The following FREM2 variants were observed in gnomAD, a reference collection of about 807,000 sequenced individuals.
FREM2 encodes FRAS1-related extracellular matrix protein 2.
FREM2 carries 119 observed loss-of-function variants against 219.9 expected under a neutral mutation model. The observed-to-expected ratio is 0.54, with a 90% CI of 0.47 to 0.63. The LOEUF (loss-of-function observed/expected upper bound fraction) is 0.63. Among genes scored for constraint, FREM2 ranks in the 30% least tolerant of loss-of-function variants. The pLI, the probability that FREM2 is intolerant of heterozygous loss-of-function variation, is 0.00. For synonymous variants in FREM2, 1,562 were observed against 1,522.8 expected (o/e 1.03, Z -0.60); for missense variants, 4,030 against 3,993.6 (o/e 1.01, Z -0.25).
chr13:38,795,155 T>C (rs1428985006), intron 6 of FREM2, among the ~76,000 whole-genome samples: 1 of 152,012 alleles, frequency 6.6e-6, no homozygotes, highest in Non-Finnish European at 1.5e-5. Context: ...GAAATTGGCA[T>C]GGAATCCGGA....
At chr13:38,811,926 A>G (rs1434485784) in intron 6 of FREM2, among the ~76,000 whole-genome samples, 1 of 152,118 alleles carries the variant, frequency 6.6e-6, no homozygotes, top group Non-Finnish European at 1.5e-5. Flanking sequence ...ATTGGGCTCC[A>G]TCTCTCTCTT....
At chr13:38,726,774 C>T (rs1038820502) in intron 2 of FREM2, among the ~76,000 whole-genome samples, 11 of 152,192 alleles carry the variant, frequency 7.2e-5, no homozygotes, top group African/African-American at 2.7e-4. Context: ...CCAAACTGCT[C>T]TTATATGCTA....
chr13:38,803,798 A>G (rs534222994), intron 6 of FREM2, among the ~76,000 whole-genome samples: 1 of 150,766 alleles, frequency 6.6e-6, no homozygotes, highest in South Asian at 2.1e-4. Flanking sequence ...GCTCTGTGGT[A>G]AATGTAACTC....
At chr13:38,751,651 G>A (rs76323716) in intron 2 of FREM2, among the ~76,000 whole-genome samples, 11,440 of 152,174 alleles carry the variant, frequency 0.075, 568 homozygotes, top group South Asian at 0.19. Context: ...GTATTATAAT[G>A]TATGTATAGT....
At chr13:38,695,198 T>G (rs1870057395) in intron 1 of FREM2, among the ~76,000 whole-genome samples, 1 of 152,198 alleles carries the variant, frequency 6.6e-6, no homozygotes, top group Non-Finnish European at 1.5e-5. Context: ...TACATAAATA[T>G]GTAACGTGTG....
At chr13:38,849,755 A>G (rs191850488) in intron 8 of FREM2, among the ~76,000 whole-genome samples, 1 of 152,344 alleles carries the variant, frequency 6.6e-6, no homozygotes, top group East Asian at 1.9e-4. Flanking sequence ...ATGACTAAGA[A>G]ACATGTAGAT....
intron 2 of FREM2, among the ~76,000 whole-genome samples, chr13:38,738,291 A>G (rs1236946352): frequency 1.3e-5 from 2 of 151,996 alleles, no homozygotes; most frequent in Non-Finnish European, 2.9e-5. Flanking sequence ...TTGGGCTGGG[A>G]GCAGTGGCTC....
In FREM2 at chr13:38,688,243, G is replaced by A. The variant is rs766868798; in HGVS notation, c.899G>A (p.Arg300His). The change falls in exon 1 of 24, where the codon CGC (arginine) becomes CAC (histidine). Residue 300 changes from arginine to histidine, a missense_variant. Physicochemically the swap from Arg to His is conservative, Grantham distance 29 (BLOSUM62 0). Around this residue, in one of 2 missense-constraint regions of FREM2, gnomAD observed 3,102 missense variants for 2,950.7 expected, o/e 1.05. Transcript: ENST00000280481. ...GAPVGSPALKREHFQVLVRIR... is the reference protein window; with the variant it reads ...GAPVGSPALKHEHFQVLVRIR... ...CCTGTGGGCAGCCCTGCTTTGAAAC[G>A]CGAGCACTTCCAGGTTCTGGTGAGG... is the stretch of plus-strand genomic sequence containing the variant. The A allele has an allele frequency of 2.5e-6, 4 of 1,613,854 alleles. No individual in the cohort carries two copies. The highest frequency in any genetic ancestry group is 3.4e-6 in the Non-Finnish European group (4 of 1,179,954).
intron 6 of FREM2, among the ~76,000 whole-genome samples, chr13:38,785,011 TCA>T (rs1874270532): frequency 6.6e-6 from 1 of 152,200 alleles, no homozygotes; most frequent in South Asian, 2.1e-4. Context: ...AGGGCAAAAG[TCA>T]CAATTATGTG....
intron 6 of FREM2, among the ~76,000 whole-genome samples, chr13:38,819,644 T>C (rs563992160): frequency 2.6e-5 from 4 of 152,290 alleles, no homozygotes; most frequent in Non-Finnish European, 4.4e-5. Context: ...TTTGTAGATA[T>C]CATATATTTT....
Position 38,689,576 on chromosome 13 carries a change from G to A in FREM2, c.2232G>A (p.Gln744=), listed in dbSNP as rs766322653. 1.1e-5 allele frequency: 18 copies of A among 1,612,462 alleles called. No individual in the cohort carries two copies. In the East Asian group the frequency reaches 4.0e-4, roughly 36 times the overall value. Reference sequence around the variant, plus strand: ...GAGAACTACGTTACACAGTGACTCAGCCCCCCACAGACACAGACGAAAATC... The same window carrying A: ...GAGAACTACGTTACACAGTGACTCAACCCCCCACAGACACAGACGAAAATC... The part of the protein sequence containing the change: ...DDRELRYTVT[Q]PPTDTDENHL... Residue 744 remains glutamine, a synonymous_variant, in exon 1 of 24, where the codon CAG becomes CAA. Transcript: ENST00000280481.
intron 5 of FREM2, 88 bp from the exon 6 acceptor site, chr13:38,784,469 A>T: frequency 6.8e-7 from 1 of 1,461,424 alleles, no homozygotes; most frequent in Non-Finnish European, 9.5e-7. Context: ...ACTGACCATT[A>T]AAATGCTGTG....
intron 6 of FREM2, among the ~76,000 whole-genome samples, chr13:38,830,806 C>A (rs940750829): frequency 2.6e-5 from 4 of 152,208 alleles, no homozygotes; most frequent in Non-Finnish European, 5.9e-5. Flanking sequence ...CCTGTGTCAG[C>A]TCTCCATCTC....
At chr13:38,837,463 G>A (rs988503594) in intron 6 of FREM2, among the ~76,000 whole-genome samples, 7 of 152,250 alleles carry the variant, frequency 4.6e-5, no homozygotes, top group East Asian at 3.9e-4. Context: ...GGCCTGCTTG[G>A]TCCATAGCTG....
intron 2 of FREM2, among the ~76,000 whole-genome samples, chr13:38,702,664 A>G (rs1458340739): frequency 6.7e-6 from 1 of 149,558 alleles, no homozygotes; most frequent in African/African-American, 2.4e-5. Flanking sequence ...GGCTTAAGAA[A>G]AAATTAGAAT....
chr13:38,846,492 C>A, intron 6 of FREM2, 81 bp from the exon 7 acceptor site: 1 of 1,442,582 alleles, frequency 6.9e-7, no homozygotes, highest in South Asian at 1.2e-5. Flanking sequence ...AGGAAGCACA[C>A]TCTTCTTTGG....
At chr13:38,781,305 A>T (rs1004544064) in intron 4 of FREM2, among the ~76,000 whole-genome samples, 2 of 152,060 alleles carry the variant, frequency 1.3e-5, no homozygotes, top group African/African-American at 4.8e-5. Context: ...CTACCTTCCA[A>T]TCTCAGCTCA....
chr13:38,749,885 G>C (rs1872662936), intron 2 of FREM2, among the ~76,000 whole-genome samples: 1 of 152,106 alleles, frequency 6.6e-6, no homozygotes, highest in African/African-American at 2.4e-5. Flanking sequence ...AGTAATCATT[G>C]TCTCAAATCC....
chr13:38,691,615 T>C lies in FREM2; in HGVS notation c.4271T>C (p.Val1424Ala), dbSNP rs768145360. The C allele has an allele frequency of 6.2e-7, 1 of 1,614,108 alleles. No individual in the cohort carries two copies. The highest frequency in any genetic ancestry group is 8.5e-7 in the Non-Finnish European group (1 of 1,180,012). The change falls in exon 1 of 24, where the codon GTG (valine) becomes GCG (alanine). Residue 1424 changes from valine to alanine, a missense_variant. Around this residue, in one of 2 missense-constraint regions of FREM2, gnomAD observed 3,102 missense variants for 2,950.7 expected, o/e 1.05. Transcript: ENST00000280481. ...AGCATTGACATTGTCTTCCCTGATG[T>C]GATAAGTAAGGGAGTGTCCTTGAAA... Reference protein sequence around the residue: ...IGSIDIVFPDVISKGVSLKEG... With the variant: ...IGSIDIVFPDAISKGVSLKEG...
Sources: gnomAD v4.1 joint callset for allele counts (sites outside exome capture counted in the v4.1 genomes callset) on GRCh38, gnomAD v4.1.1 for gene constraint, gnomAD v4.1.1 regional missense constraint, MANE v1.5 for transcripts, NCBI Gene and HGNC (gene_info 2026-07-23, HGNC 2026-07-21) for gene names.